The following OR51B5 variants were observed in gnomAD, a reference collection of about 807,000 sequenced individuals.
OR51B5 encodes the protein olfactory receptor 51B5.
For missense variants in OR51B5, 456 were observed against 374.6 expected (o/e 1.22, Z -1.79); for synonymous variants, 186 against 144.8 (o/e 1.28, Z -2.04).
intron 1 of OR51B5, among the ~76,000 whole-genome samples, chr11:5,378,441 A>G (rs1196928452): frequency 3.3e-5 from 5 of 152,008 alleles, no homozygotes; most frequent in African/African-American, 1.2e-4. Context: ...CGATGGCAAC[A>G]AAAGCCAAAA....
intron 1 of OR51B5, among the ~76,000 whole-genome samples, chr11:5,404,419 C>T (rs1193016609): frequency 1.3e-5 from 2 of 152,118 alleles, no homozygotes; most frequent in African/African-American, 2.4e-5. Flanking sequence ...AACGCACCAA[C>T]TAGTGCTCTG....
intron 1 of OR51B5, among the ~76,000 whole-genome samples, chr11:5,434,309 T>C (rs1850566490): frequency 6.6e-6 from 1 of 152,206 alleles, no homozygotes; most frequent in Non-Finnish European, 1.5e-5. Flanking sequence ...GACTTTCAGA[T>C]AACTTTCCTA....
chr11:5,398,986 A>G (rs1309452451), intron 1 of OR51B5, among the ~76,000 whole-genome samples: 2 of 152,080 alleles, frequency 1.3e-5, no homozygotes, highest in Non-Finnish European at 2.9e-5. Context: ...AGGACTCCCA[A>G]CCCCATGTCA....
At chr11:5,487,103 T>C (rs867441030) in intron 1 of OR51B5, among the ~76,000 whole-genome samples, 1 of 152,158 alleles carries the variant, frequency 6.6e-6, no homozygotes, top group Non-Finnish European at 1.5e-5. Context: ...CGCCAAACTC[T>C]GAATCAAGGG....
intron 1 of OR51B5, among the ~76,000 whole-genome samples, chr11:5,365,562 TACACAAAAACATTATCG>T (rs1270309127): frequency 6.6e-6 from 1 of 152,204 alleles, no homozygotes; most frequent in Non-Finnish European, 1.5e-5. Context: ...AGCATATTGA[TACACAAAAACATTATCG>T]AGATGCACAT....
At chr11:5,464,832 T>A (rs1044697871) in intron 1 of OR51B5, among the ~76,000 whole-genome samples, 1 of 152,136 alleles carries the variant, frequency 6.6e-6, no homozygotes. Flanking sequence ...AAATGGTATT[T>A]CTAGTTCTAG....
At chr11:5,390,032 C>G in intron 1 of OR51B5, 3 of 1,613,612 alleles carry the variant, frequency 1.9e-6, no homozygotes, top group Non-Finnish European at 2.5e-6. Context: ...TCTGTATGGA[C>G]TGATGGTGGT....
In OR51B5 at chr11:5,374,199, G is replaced by A. The variant is rs539998339; in HGVS notation, n.85-27289C>T. ...GAAAATCTGCGGTTCTGCAGACACC[G>A]CTGCTGATACCCAGGCAAACAGGGT... is the stretch of plus-strand genomic sequence containing the variant. On this transcript the variant is annotated intron_variant and non_coding_transcript_variant, in intron 1 of 4. Coordinates refer to the OR51B5 transcript ENST00000415970. 6.8e-3 allele frequency among the ~76,000 whole-genome samples: 1,037 copies of A among 152,140 alleles called. 16 individuals carry two copies. The highest frequency in any genetic ancestry group is 0.023 in the African/African-American group (968 of 41,494).
chr11:5,371,034 T>C (rs1849440879), intron 1 of OR51B5, among the ~76,000 whole-genome samples: 1 of 152,078 alleles, frequency 6.6e-6, no homozygotes, highest in Non-Finnish European at 1.5e-5. Context: ...AAGGGACTGG[T>C]TTTTCCAAGA....
Position 5,342,685 on chromosome 11 carries a change from CAGAAAAT to C in OR51B5, c.833_839del (p.Tyr278CysfsTer5). ...TTATAGGATTCATTAGTGGAGGGAA[CAGAAAAT>C]AGGCATAGCTCATAATGAGGTGAAC... is the stretch of plus-strand genomic sequence containing the variant. On this transcript the variant is annotated frameshift_variant, in exon 1 of 1. Coordinates refer to ENST00000300773, the Ensembl canonical transcript of OR51B5. LOFTEE classifies it low-confidence loss of function (END_TRUNC). 1.2e-6 allele frequency: 2 copies of C among 1,613,890 alleles called. No homozygotes were observed. The highest frequency in any genetic ancestry group is 1.7e-6 in the Non-Finnish European group (2 of 1,179,900).
chr11:5,453,948 A>C (rs1231089485), intron 1 of OR51B5: 2 of 1,614,128 alleles, frequency 1.2e-6, no homozygotes, highest in East Asian at 4.5e-5. Context: ...TCGAAGCTTC[A>C]TCACCCTTTT....
chr11:5,398,618 G>A (rs1248875973), intron 1 of OR51B5, among the ~76,000 whole-genome samples: 1 of 152,160 alleles, frequency 6.6e-6, no homozygotes, highest in Non-Finnish European at 1.5e-5. Flanking sequence ...ATATTGAATT[G>A]TAATCCCCAT....
chr11:5,406,507 T>C (rs1456611413), intron 1 of OR51B5, among the ~76,000 whole-genome samples: 11 of 152,174 alleles, frequency 7.2e-5, no homozygotes, highest in Admixed American at 5.2e-4. Flanking sequence ...TTATATTCTA[T>C]GCTAACTTAA....
chr11:5,374,042 G>C (rs1164311397), intron 1 of OR51B5, among the ~76,000 whole-genome samples: 4 of 152,148 alleles, frequency 2.6e-5, no homozygotes, highest in Non-Finnish European at 4.4e-5. Flanking sequence ...GTGGGTCCCT[G>C]ACCCCTGACC....
chr11:5,415,311 C>A (rs991041250), intron 1 of OR51B5, among the ~76,000 whole-genome samples: 2 of 150,516 alleles, frequency 1.3e-5, no homozygotes, highest in African/African-American at 4.9e-5. Flanking sequence ...TAAATGCCCA[C>A]AAGAGAAAGC....
chr11:5,389,599 G>A, intron 1 of OR51B5: 3 of 1,613,730 alleles, frequency 1.9e-6, no homozygotes, highest in Non-Finnish European at 2.5e-6. Flanking sequence ...ACCCTCGTCT[G>A]CACACACCCA....
intron 1 of OR51B5, among the ~76,000 whole-genome samples, chr11:5,478,053 G>A (rs1274699527): frequency 6.6e-6 from 1 of 151,818 alleles, no homozygotes; most frequent in Admixed American, 6.6e-5. Context: ...CCACCTCTGG[G>A]GGCAGGGCAC....
At position 5,461,658 on chromosome 11, in the gene OR51B5, C is replaced by T. The variant is rs1034683597; in HGVS notation, n.84+43911G>A. ...GGCCTTGCACAGACTGGAGTTCTGT[C>T]TCTGTCAACTCTCTGGGCAGTTCTC... On this transcript the variant is annotated intron_variant and non_coding_transcript_variant, in intron 1 of 4. Coordinates refer to the OR51B5 transcript ENST00000415970. Among the ~76,000 whole-genome samples, 6 of 152,208 alleles carry T rather than the reference C, an allele frequency of 3.9e-5. No homozygotes were observed. The South Asian group carries it at 1.2e-3, about 31-fold the overall frequency.
chr11:5,413,360 ACT>A (rs1322323332), intron 1 of OR51B5, among the ~76,000 whole-genome samples: 1 of 152,146 alleles, frequency 6.6e-6, no homozygotes, highest in Non-Finnish European at 1.5e-5. Context: ...AAAACTGGAA[ACT>A]CTAAAAAGCA....
Sources: allele counts gnomAD v4.1 joint callset (sites outside exome capture counted in the v4.1 genomes callset), GRCh38; gene constraint gnomAD v4.1.1; transcripts MANE v1.5; gene names NCBI Gene and HGNC (gene_info 2026-07-23, HGNC 2026-07-21).